The following PRIM2 variants were observed in gnomAD, a reference collection of about 807,000 sequenced individuals.
PRIM2 encodes DNA primase subunit 2.
In PRIM2, 39 loss-of-function variants were observed where a neutral mutation model predicts 67.3. The observed-to-expected ratio is 0.58, with a 90% CI of 0.45 to 0.76. The LOEUF (loss-of-function observed/expected upper bound fraction) is 0.76, where lower values mean the gene tolerates loss of function less well. Ranked by LOEUF, PRIM2 falls within the 30% of genes least tolerant of loss-of-function variation. The pLI is 0.00. For missense variants in PRIM2, 398 were observed against 598.7 expected (o/e 0.66, Z 3.50); for synonymous variants, 143 against 198.7 (o/e 0.72, Z 2.36).
chr6:57,610,786 A>C, intron 12 of PRIM2, among the ~76,000 whole-genome samples: 1 of 152,236 alleles, frequency 6.6e-6, no homozygotes, highest in Non-Finnish European at 1.5e-5. Context: ...ACTCCTCTTA[A>C]TAATTAACAG....
At chr6:57,380,056 A>C (rs1439441471) in intron 6 of PRIM2, 60 bp downstream of exon 6, 1 of 1,366,122 alleles carries the variant, frequency 7.3e-7, no homozygotes, top group African/African-American at 1.5e-5. Flanking sequence ...TGAGCTTTAT[A>C]TACATATTTA....
intron 13 of PRIM2, among the ~76,000 whole-genome samples, chr6:57,645,564 A>G (rs1280384122): frequency 1.2e-4 from 18 of 150,932 alleles, no homozygotes; most frequent in Admixed American, 3.3e-4. Flanking sequence ...GGTGATACCA[A>G]TCACTGAGAG....
At chr6:57,446,366 T>A (rs1772364403) in intron 7 of PRIM2, among the ~76,000 whole-genome samples, 1 of 149,282 alleles carries the variant, frequency 6.7e-6, no homozygotes, top group Non-Finnish European at 1.5e-5. Flanking sequence ...TGTGCTCAGA[T>A]AACTGGCAGA....
At chr6:57,457,785 C>T (rs1355479652) in intron 7 of PRIM2, among the ~76,000 whole-genome samples, 1 of 152,156 alleles carries the variant, frequency 6.6e-6, no homozygotes, top group African/African-American at 2.4e-5. Flanking sequence ...GTGTGCTGCA[C>T]CCACTGTCCT....
the PRIM2 span, among the ~76,000 whole-genome samples, chr6:57,228,816 G>A: frequency 6.6e-6 from 1 of 152,210 alleles, no homozygotes; most frequent in South Asian, 2.1e-4. Context: ...GATAATAGTA[G>A]TACTTCCTGG....
chr6:57,484,978 C>T (rs1336780489), intron 7 of PRIM2, among the ~76,000 whole-genome samples: 2 of 152,110 alleles, frequency 1.3e-5, no homozygotes, highest in Non-Finnish European at 2.9e-5. Flanking sequence ...AGAATAGTGA[C>T]TGTCAGGGAG....
chr6:57,552,459 G>A (rs1302755970), intron 10 of PRIM2, among the ~76,000 whole-genome samples: 1 of 151,952 alleles, frequency 6.6e-6, no homozygotes, highest in African/African-American at 2.4e-5. Flanking sequence ...TAGGCTCAAG[G>A]ATCTTGTGAT....
intron 5 of PRIM2, among the ~76,000 whole-genome samples, chr6:57,345,472 A>ATATATG (rs1768642195): frequency 1.3e-5 from 1 of 79,842 alleles, no homozygotes; most frequent in African/African-American, 5.4e-5. Context: ...TGATATATAT[A>ATATATG]TATGTGTGTG....
At chr6:57,468,460 T>A (rs1244182340) in intron 7 of PRIM2, among the ~76,000 whole-genome samples, 3 of 152,330 alleles carry the variant, frequency 2.0e-5, no homozygotes, top group African/African-American at 7.2e-5. Flanking sequence ...GAACCAGCCT[T>A]GCATCCCAGG....
chr6:57,268,143 A>T, the PRIM2 span, among the ~76,000 whole-genome samples: 3 of 152,118 alleles, frequency 2.0e-5, no homozygotes, highest in Non-Finnish European at 4.4e-5. Flanking sequence ...TGAGTTACGT[A>T]GTTGTTACTT....
At chr6:57,286,868 G>A in the PRIM2 span, among the ~76,000 whole-genome samples, 1 of 152,150 alleles carries the variant, frequency 6.6e-6, no homozygotes, top group Admixed American at 6.6e-5. Flanking sequence ...ATTTGACAAA[G>A]ATCTAATATC....
intron 10 of PRIM2, among the ~76,000 whole-genome samples, chr6:57,588,583 C>T (rs1776234854): frequency 6.6e-6 from 1 of 151,478 alleles, no homozygotes; most frequent in African/African-American, 2.4e-5. Context: ...GTCTTTTTTC[C>T]TCATGATATC....
chr6:57,558,722 T>C (rs1775568792), intron 10 of PRIM2, among the ~76,000 whole-genome samples: 1 of 152,162 alleles, frequency 6.6e-6, no homozygotes, highest in Admixed American at 6.6e-5. Context: ...TGTTTTTATT[T>C]CTTTTAAAAT....
rs551496946 is a variant in PRIM2 at position 57,331,095 on chromosome 6, G to A, written c.459+5050G>A. Among the ~76,000 whole-genome samples, 3 of 151,648 alleles carry A rather than the reference G, an allele frequency of 2.0e-5. No homozygotes were observed. In the South Asian group the frequency reaches 6.2e-4, roughly 32 times the overall value. On this transcript the variant is annotated intron_variant, in intron 5 of 13. Coordinates refer to ENST00000615550, the MANE Select transcript of PRIM2 (RefSeq NM_000947.5). ...CCCAGCTACTCAGGAGGCTGAGGCA[G>A]TAGAATTGTTTGAACCCGGGAGGTG...
At chr6:57,601,012 T>G (rs2127491428) in intron 10 of PRIM2, 81 bp from the exon 11 acceptor site, 1 of 1,342,798 alleles carries the variant, frequency 7.4e-7, no homozygotes, top group Non-Finnish European at 1.0e-6. Flanking sequence ...CTTTGCACTC[T>G]TTGATTCTAG....
intron 9 of PRIM2, 54 bp from the exon 10 acceptor site, chr6:57,537,386 G>A: frequency 1.2e-6 from 1 of 869,278 alleles, no homozygotes; most frequent in Non-Finnish European, 1.7e-6. Context: ...AATATTACAG[G>A]GGACCTGATA....
intron 7 of PRIM2, among the ~76,000 whole-genome samples, chr6:57,456,578 C>T (rs1163290508): frequency 2.6e-5 from 4 of 152,158 alleles, no homozygotes; most frequent in South Asian, 2.1e-4. Context: ...TTGATCGAAT[C>T]GGCTACTGAG....
At chr6:57,485,328 A>G (rs1773729034) in intron 7 of PRIM2, among the ~76,000 whole-genome samples, 1 of 152,150 alleles carries the variant, frequency 6.6e-6, no homozygotes, top group African/African-American at 2.4e-5. Flanking sequence ...ACTCTTCCTT[A>G]GATCCTGTAA....
the PRIM2 span, among the ~76,000 whole-genome samples, chr6:57,261,103 G>A: frequency 1.3e-5 from 2 of 152,146 alleles, no homozygotes; most frequent in African/African-American, 4.8e-5. Context: ...TGAAGGTTGA[G>A]GCTCTCCCAT....
Sources: allele counts gnomAD v4.1 joint callset (sites outside exome capture counted in the v4.1 genomes callset), GRCh38; gene constraint gnomAD v4.1.1; transcripts MANE v1.5; gene names NCBI Gene and HGNC (gene_info 2026-07-23, HGNC 2026-07-21).